SEPTIN11: variants seen among roughly 807,000 people sequenced by gnomAD.
The protein encoded by SEPTIN11 is septin-11.
A neutral mutation model predicts 51.4 loss-of-function variants in SEPTIN11; 25 were observed. The ratio of observed to expected loss-of-function variants is 0.49; its 90% CI spans 0.35 to 0.68. SEPTIN11 has a LOEUF of 0.68. Ranked by LOEUF, SEPTIN11 falls within the 30% of genes least tolerant of loss-of-function variation. The probability of loss-of-function intolerance (pLI) is 0.00; values close to 1 mark genes in which losing one functional copy is unlikely to be tolerated. For synonymous variants in SEPTIN11, 174 were observed against 184.1 expected, an observed-to-expected ratio of 0.95 and a Z score of 0.44; for missense variants, 381 against 520.8, an observed-to-expected ratio of 0.73 and a Z score of 2.61.
chr4:76,954,087 A>G (rs933052366), intron 1 of SEPTIN11, among the ~76,000 whole-genome samples: 3 of 152,226 alleles, frequency 2.0e-5, no homozygotes, highest in African/African-American at 7.2e-5. Flanking sequence ...TATGTCTGCA[A>G]AAGGAACAAA....
intron 1 of SEPTIN11, among the ~76,000 whole-genome samples, chr4:76,953,989 G>A (rs561419930): frequency 6.6e-6 from 1 of 152,250 alleles, no homozygotes; most frequent in Non-Finnish European, 1.5e-5. Flanking sequence ...AAACCAAACT[G>A]TGTGCCTGAA....
At chr4:76,994,208 C>G (rs1351424316) in intron 1 of SEPTIN11, among the ~76,000 whole-genome samples, 1 of 152,180 alleles carries the variant, frequency 6.6e-6, no homozygotes, top group African/African-American at 2.4e-5. Context: ...CATGGCTTCT[C>G]CTAGCCTGAT....
chr4:76,984,199 G>T lies in SEPTIN11; in HGVS notation c.28-12226G>T, dbSNP rs965785785. On this transcript the variant is annotated intron_variant, in intron 1 of 9. Transcript: ENST00000264893. The surrounding 1 kb of genome is among the most constrained non-coding windows in gnomAD (Gnocchi z 4.1). ...TGCTGGAAATGTGTCACTGGACTCA[G>T]ATGTTCTAGGTCAGCCTGGATTAGG... Among the ~76,000 whole-genome samples, 1 of 152,182 alleles carries T rather than the reference G, an allele frequency of 6.6e-6. No homozygotes were observed. The highest frequency in any genetic ancestry group is 2.4e-5 in the African/African-American group (1 of 41,436).
intron 2 of SEPTIN11, among the ~76,000 whole-genome samples, chr4:76,997,245 G>T (rs1368779248): frequency 6.6e-6 from 1 of 152,164 alleles, no homozygotes; most frequent in Non-Finnish European, 1.5e-5. Flanking sequence ...TGATCTGTTG[G>T]CATTGTCCTC....
At chr4:77,002,742 G>T (rs1724202625) in intron 2 of SEPTIN11, among the ~76,000 whole-genome samples, 1 of 151,106 alleles carries the variant, frequency 6.6e-6, no homozygotes, top group Non-Finnish European at 1.5e-5. Context: ...AGCAGAGACT[G>T]GTTTTATATT....
At chr4:76,957,982 T>C (rs1458571354) in intron 1 of SEPTIN11, among the ~76,000 whole-genome samples, 1 of 152,100 alleles carries the variant, frequency 6.6e-6, no homozygotes, top group Non-Finnish European at 1.5e-5. Context: ...CCATAAGCAA[T>C]ATGTTCCACT....
chr4:76,980,610 C>T (rs1413092351), intron 1 of SEPTIN11, among the ~76,000 whole-genome samples: 2 of 152,150 alleles, frequency 1.3e-5, no homozygotes, highest in Non-Finnish European at 2.9e-5. Flanking sequence ...TGGTCTGACC[C>T]TCTCTATGTG....
At position 77,036,429 on chromosome 4, in the gene SEPTIN11, C is replaced by A. The variant is rs531990653; in HGVS notation, c.*1917C>A. The A allele has an allele frequency of 2.6e-6, 3 of 1,173,606 alleles. No individual in the cohort carries two copies. Among genetic ancestry groups the A allele is most frequent in the Non-Finnish European group, 3.2e-6 (3 of 944,746 alleles). 72.7% of individuals were successfully genotyped at this position (1,173,606 alleles called of 1,614,324 possible). On this transcript the variant is annotated 3_prime_UTR_variant, in exon 10 of 10. Coordinates refer to ENST00000264893, the MANE Select transcript of SEPTIN11 (RefSeq NM_018243.4). Reference sequence around the variant, plus strand: ...TGTTGTATGCTTGTTCCAACCACCGCTTGTGTGAGCATTTTTGTGGCTTGT... The same window carrying A: ...TGTTGTATGCTTGTTCCAACCACCGATTGTGTGAGCATTTTTGTGGCTTGT...
At chr4:77,020,828 T>C (rs1725668167) in intron 7 of SEPTIN11, 158 bp downstream of exon 7, 12 of 663,392 alleles carry the variant, frequency 1.8e-5, no homozygotes, top group Non-Finnish European at 2.7e-5. Flanking sequence ...ATAATTGCTT[T>C]ATTTGCATTA....
chr4:76,949,752 G>T lies in SEPTIN11; in HGVS notation c.-152G>T, dbSNP rs990465956. The stretch of plus-strand genomic sequence containing the variant: ...AGCGGGAGGGGCGGCGGCGTGGGGG[G>T]AGCAGATGCCGCTGGCTGCCAGCGG... On this transcript the variant is annotated 5_prime_UTR_variant, in exon 1 of 10. Coordinates refer to ENST00000264893, the MANE Select transcript of SEPTIN11 (RefSeq NM_018243.4). 6 of 723,330 alleles carry T rather than the reference G, an allele frequency of 8.3e-6. No individual in the cohort carries two copies. The Admixed American group carries it at 9.4e-5, about 11-fold the overall frequency. 44.8% of individuals were successfully genotyped at this position (723,330 alleles called of 1,614,324 possible). A position where few individuals can be genotyped will look rare whatever the true frequency, so the allele number is the denominator to read the frequency against.
At chr4:77,033,097 CT>C (rs1726778980) in intron 9 of SEPTIN11, among the ~76,000 whole-genome samples, 1 of 152,128 alleles carries the variant, frequency 6.6e-6, no homozygotes, top group Non-Finnish European at 1.5e-5. Context: ...GGTCCTTACC[CT>C]TTTCCACACT....
At chr4:76,998,167 T>G (rs1380975700) in intron 2 of SEPTIN11, among the ~76,000 whole-genome samples, 1 of 152,208 alleles carries the variant, frequency 6.6e-6, no homozygotes, top group African/African-American at 2.4e-5. Flanking sequence ...CCTGTGATTC[T>G]TAGATATTTG....
Position 77,000,291 on chromosome 4 carries a change from A to G in SEPTIN11, c.142+3752A>G, listed in dbSNP as rs192087967. Among the ~76,000 whole-genome samples, 14 of 152,388 alleles carry G rather than the reference A, an allele frequency of 9.2e-5. No individual in the cohort carries two copies. In the East Asian group the frequency reaches 2.5e-3, roughly 27 times the overall value. Reference sequence around the variant, plus strand: ...CATCTTAGCCAAGGCTATAGTGTCAACATAAATTGTGGAAATTTATAATCA... The same window carrying G: ...CATCTTAGCCAAGGCTATAGTGTCAGCATAAATTGTGGAAATTTATAATCA... On this transcript the variant is annotated intron_variant, in intron 2 of 9. Transcript: ENST00000264893.
At chr4:76,953,056 T>C (rs1721411507) in intron 1 of SEPTIN11, among the ~76,000 whole-genome samples, 1 of 152,234 alleles carries the variant, frequency 6.6e-6, no homozygotes, top group Non-Finnish European at 1.5e-5. Flanking sequence ...TTTCTTACTT[T>C]ATCCCTAACA....
At chr4:77,007,408 C>G (rs1724560605) in intron 3 of SEPTIN11, among the ~76,000 whole-genome samples, 3 of 152,176 alleles carry the variant, frequency 2.0e-5, no homozygotes, top group South Asian at 4.2e-4. Context: ...GAGAACCATC[C>G]TCCACATAGC....
chr4:76,982,565 GTT>G (rs1722823634), intron 1 of SEPTIN11, among the ~76,000 whole-genome samples: 2 of 152,118 alleles, frequency 1.3e-5, no homozygotes, highest in Non-Finnish European at 2.9e-5. Flanking sequence ...CTTTAAGAGA[GTT>G]TTACATTTTT....
At chr4:76,960,314 C>T (rs1208211791) in intron 1 of SEPTIN11, among the ~76,000 whole-genome samples, 3 of 152,204 alleles carry the variant, frequency 2.0e-5, no homozygotes, top group Non-Finnish European at 4.4e-5. Flanking sequence ...CTCTTAACCA[C>T]TGGGAATGTT....
At chr4:76,950,673 G>A (rs1721293601) in intron 1 of SEPTIN11, among the ~76,000 whole-genome samples, 1 of 152,138 alleles carries the variant, frequency 6.6e-6, no homozygotes, top group Non-Finnish European at 1.5e-5. Context: ...AGAGTAGGAG[G>A]GAGGAGATAC....
intron 1 of SEPTIN11, among the ~76,000 whole-genome samples, chr4:76,990,167 GCTA>G (rs1349901182): frequency 2.6e-5 from 4 of 152,080 alleles, no homozygotes; most frequent in Non-Finnish European, 5.9e-5. Flanking sequence ...CCCGCGATTG[GCTA>G]CTTTTAGACT....
Sources: gnomAD v4.1 joint callset for allele counts (sites outside exome capture counted in the v4.1 genomes callset) on GRCh38, gnomAD v4.1.1 for gene constraint, Gnocchi (gnomAD v3.1) non-coding constraint, MANE v1.5 for transcripts, NCBI Gene and HGNC (gene_info 2026-07-23, HGNC 2026-07-21) for gene names.